SPOCK3: variants seen among roughly 807,000 people sequenced by gnomAD.
SPOCK3 encodes the protein testican-3.
SPOCK3 carries 30 observed loss-of-function variants against 56.6 expected under a neutral mutation model. That is an observed-to-expected ratio of 0.53 (90% confidence interval 0.40 to 0.72). SPOCK3 has a LOEUF of 0.72. Ranked by LOEUF, SPOCK3 falls within the 30% of genes least tolerant of loss-of-function variation. SPOCK3 has a pLI of 0.00. For synonymous variants in SPOCK3, 196 were observed against 183.3 expected, an observed-to-expected ratio of 1.07 and a Z score of -0.56; for missense variants, 527 against 530.0, an observed-to-expected ratio of 0.99 and a Z score of 0.06.
intron 3 of SPOCK3, among the ~76,000 whole-genome samples, chr4:167,004,248 G>A (rs1160165646): frequency 6.6e-6 from 1 of 152,152 alleles, no homozygotes; most frequent in Non-Finnish European, 1.5e-5. Context: ...AAACTAGAAT[G>A]AGCGACACCT....
intron 3 of SPOCK3, among the ~76,000 whole-genome samples, chr4:167,006,779 G>A (rs751173917): frequency 1.3e-5 from 2 of 151,472 alleles, no homozygotes; most frequent in South Asian, 2.1e-4. Context: ...TTTTAATTCC[G>A]CCTCTTTTCC....
intron 2 of SPOCK3, among the ~76,000 whole-genome samples, chr4:167,084,736 T>C (rs1390841892): frequency 6.6e-6 from 1 of 152,090 alleles, no homozygotes; most frequent in Non-Finnish European, 1.5e-5. Flanking sequence ...TTGGTGAAAG[T>C]TAGAATGAAA....
intron 4 of SPOCK3, among the ~76,000 whole-genome samples, chr4:166,986,115 T>C (rs1747131257): frequency 6.6e-6 from 1 of 152,196 alleles, no homozygotes; most frequent in Non-Finnish European, 1.5e-5. Context: ...AGTAAAATGC[T>C]GGAAAGCAAA....
chr4:167,015,379 G>A lies in SPOCK3; in HGVS notation c.236-14916C>T, dbSNP rs566160483. On this transcript the variant is annotated intron_variant, in intron 3 of 10. Transcript: ENST00000357545. ...AAAACCAATAATAATACTGGCTAAA[G>A]TTACAACTTAATAGAATTTAAACCT... is the stretch of plus-strand genomic sequence containing the variant. Among the ~76,000 whole-genome samples, 12 of 152,214 alleles carry A rather than the reference G, an allele frequency of 7.9e-5. No homozygotes were observed. The South Asian group carries it at 2.5e-3, about 32-fold the overall frequency.
chr4:167,234,372 GAGGAGAGGTGGGTATA>G (rs1394016843), intron 1 of SPOCK3, 62 bp downstream of exon 1: 15 of 610,734 alleles, frequency 2.5e-5, no homozygotes, highest in Non-Finnish European at 4.0e-5. Context: ...AGACCCAGAG[GAGGAGAGGTGGGTATA>G]AGGAAGCAAG....
At chr4:167,099,677 A>C (rs1759461241) in intron 2 of SPOCK3, among the ~76,000 whole-genome samples, 1 of 152,142 alleles carries the variant, frequency 6.6e-6, no homozygotes, top group Admixed American at 6.6e-5. Context: ...CACCAGGTAC[A>C]TAAGCAGTAG....
At chr4:166,928,878 G>T (rs1739411849) in intron 4 of SPOCK3, among the ~76,000 whole-genome samples, 1 of 152,168 alleles carries the variant, frequency 6.6e-6, no homozygotes, top group South Asian at 2.1e-4. Context: ...TGAGGCAGGA[G>T]AATCGCTTGA....
At chr4:167,017,736 GAGTGTGTGTATGCATGTGTGTGTT>G (rs1370477953) in intron 3 of SPOCK3, among the ~76,000 whole-genome samples, 1 of 152,054 alleles carries the variant, frequency 6.6e-6, no homozygotes, top group East Asian at 1.9e-4. Flanking sequence ...GTGTGTGTGT[GAGTGTGTGTATGCATGTGTGTGTT>G]AGCTATTTTG....
intron 3 of SPOCK3, among the ~76,000 whole-genome samples, chr4:167,024,865 A>T (rs181829256): frequency 0.01 from 1,570 of 151,662 alleles, 25 homozygotes; most frequent in African/African-American, 0.035. Context: ...AAAAAATTTT[A>T]AAAATTTTTA....
At chr4:167,210,294 A>G (rs1403911159) in intron 2 of SPOCK3, among the ~76,000 whole-genome samples, 1 of 152,142 alleles carries the variant, frequency 6.6e-6, no homozygotes, top group African/African-American at 2.4e-5. Flanking sequence ...CAAAACACAG[A>G]TTGAGTGTCA....
At chr4:166,926,407 A>G (rs1397838317) in intron 4 of SPOCK3, among the ~76,000 whole-genome samples, 1 of 152,130 alleles carries the variant, frequency 6.6e-6, no homozygotes, top group African/African-American at 2.4e-5. Context: ...GGAATATTAT[A>G]CATGTTTTTA....
rs377575187 is a variant in SPOCK3, at chr4:166,792,858, T to G, written c.590-569A>C. 3.3e-5 allele frequency among the ~76,000 whole-genome samples: 5 copies of G among 152,106 alleles called. No individual in the cohort carries two copies. The South Asian group carries it at 8.3e-4, about 25-fold the overall frequency. On this transcript the variant is annotated intron_variant, in intron 6 of 10. Transcript: ENST00000357545. The stretch of plus-strand genomic sequence containing the variant: ...AAAAACTATAAAATATTTAAGAAAG[T>G]ACTATAATGTTTCTATTGGAAAAAA...
At chr4:167,007,995 A>G (rs1195760185) in intron 3 of SPOCK3, among the ~76,000 whole-genome samples, 1 of 152,174 alleles carries the variant, frequency 6.6e-6, no homozygotes, top group Non-Finnish European at 1.5e-5. Context: ...GTCAAAAGGA[A>G]AAAGAATAAA....
At chr4:166,965,461 C>G (rs972591555) in intron 4 of SPOCK3, among the ~76,000 whole-genome samples, 1 of 149,956 alleles carries the variant, frequency 6.7e-6, no homozygotes, top group Admixed American at 6.7e-5. Flanking sequence ...TTTGCAGACT[C>G]TGGTTTGGTA....
chr4:167,067,714 A>G (rs1027782706), intron 2 of SPOCK3, among the ~76,000 whole-genome samples: 17 of 151,932 alleles, frequency 1.1e-4, no homozygotes, highest in Middle Eastern at 3.4e-3. Context: ...ACTGCCAACT[A>G]TATTTACTGA....
intron 6 of SPOCK3, among the ~76,000 whole-genome samples, chr4:166,814,970 C>T (rs2126738659): frequency 6.6e-6 from 1 of 152,180 alleles, no homozygotes; most frequent in Non-Finnish European, 1.5e-5. Flanking sequence ...TGGCTGATAT[C>T]ATTGCTACAA....
At chr4:166,917,054 G>A (rs958431437) in intron 4 of SPOCK3, among the ~76,000 whole-genome samples, 1 of 152,086 alleles carries the variant, frequency 6.6e-6, no homozygotes, top group Admixed American at 6.6e-5. Flanking sequence ...CATGGAGGGA[G>A]CCCAGTCATA....
rs557857029 is a variant in SPOCK3 at position 167,123,629 on chromosome 4, T to C, written c.190-61092A>G. Among the ~76,000 whole-genome samples, 9 of 152,136 alleles carry C rather than the reference T, an allele frequency of 5.9e-5. No homozygotes were observed. The South Asian group carries it at 8.3e-4, about 14-fold the overall frequency. ...CCCACCTCTGCCACTCTCTGCCAGA[T>C]TGACAGTCCAATTAACACATGGCGT... is the stretch of plus-strand genomic sequence containing the variant. On this transcript the variant is annotated intron_variant, in intron 2 of 10. Coordinates refer to ENST00000357545, the MANE Select transcript of SPOCK3 (RefSeq NM_001040159.2).
intron 6 of SPOCK3, among the ~76,000 whole-genome samples, chr4:166,798,191 C>T (rs1299521031): frequency 6.6e-6 from 1 of 152,164 alleles, no homozygotes; most frequent in Non-Finnish European, 1.5e-5. Context: ...TACTTTTTAT[C>T]AGTACTTTAG....
Sources: allele counts gnomAD v4.1 joint callset (sites outside exome capture counted in the v4.1 genomes callset), GRCh38; gene constraint gnomAD v4.1.1; transcripts MANE v1.5; gene names NCBI Gene and HGNC (gene_info 2026-07-23, HGNC 2026-07-21).